The following ACRBP variants were observed in gnomAD, a reference collection of about 807,000 sequenced individuals.
The protein encoded by ACRBP is acrosin binding protein.
In ACRBP, 52 loss-of-function variants were observed where a neutral mutation model predicts 69.0. The observed-to-expected ratio is 0.75, with a 90% CI of 0.60 to 0.95. The LOEUF (loss-of-function observed/expected upper bound fraction) is 0.95, where lower values mean the gene tolerates loss of function less well. Among genes scored for constraint, ACRBP ranks in the 40% least tolerant of loss-of-function variants. The probability of loss-of-function intolerance (pLI) is 0.00; values close to 1 mark genes in which losing one functional copy is unlikely to be tolerated. For missense variants in ACRBP, 604 were observed against 673.0 expected (o/e 0.90, Z 1.13); for synonymous variants, 267 against 258.9 (o/e 1.03, Z -0.30).
rs374945741 is a variant in ACRBP, at chr12:6,646,554, A to T, written c.286T>A (p.Tyr96Asn). The T allele has an allele frequency of 9.3e-6, 15 of 1,614,008 alleles. No individual in the cohort carries two copies. Among genetic ancestry groups the T allele is most frequent in the Non-Finnish European group, 1.3e-5 (15 of 1,180,022 alleles). ...PDGAVCSNLP[Y>N]ASWFESFCQF... is the part of the protein sequence containing the mutation. ...CAGAAAGACTCAAACCAGGAGGCATAAGGGAGGTTGGAGCAGACAGCACCT... is the reference window on the plus strand; with the variant it reads ...CAGAAAGACTCAAACCAGGAGGCATTAGGGAGGTTGGAGCAGACAGCACCT... The change falls in exon 3 of 10, where the codon TAT becomes AAT. Residue 96 changes from tyrosine (Y) to asparagine (N), a missense_variant. By Grantham distance (143) the Tyr-to-Asn change is moderately radical (BLOSUM62 -2). Coordinates refer to ENST00000229243, the MANE Select transcript of ACRBP (RefSeq NM_032489.3).
rs1173221318 is a variant in ACRBP at position 6,643,579 on chromosome 12, C to T, written c.1037G>A (p.Trp346Ter). ...TCIITPTAKA[W>*]KYMEEEILGF... ...AAGGATCTCCTCCTCCATGTACTTCCAGGCCTTGGCTGTGGGGGTTATGAT... is the reference window on the plus strand; with the variant it reads ...AAGGATCTCCTCCTCCATGTACTTCTAGGCCTTGGCTGTGGGGGTTATGAT... Residue 346 changes from tryptophan (W) to a stop codon, truncating the protein, a stop_gained, in exon 6 of 10, where the codon TGG (tryptophan) becomes TAG (stop). Coordinates refer to ENST00000229243, the MANE Select transcript of ACRBP (RefSeq NM_032489.3). LOFTEE classifies it high-confidence loss of function. 6.2e-7 allele frequency: 1 copy of T among 1,614,120 alleles called. No individual in the cohort carries two copies. Among genetic ancestry groups the T allele is most frequent in the African/African-American group, 1.3e-5 (1 of 74,936 alleles).
Position 6,640,645 on chromosome 12 carries a change from C to G in ACRBP, c.1078-123G>C. 8.9e-7 allele frequency: 1 copy of G among 1,124,300 alleles called. No individual in the cohort carries two copies. The highest frequency in any genetic ancestry group is 1.2e-6 in the Non-Finnish European group (1 of 806,228). The allele number at this position is 1,124,300 out of a possible 1,614,324, so 69.6% of individuals were successfully genotyped here. A position where few individuals can be genotyped will look rare whatever the true frequency, so the allele number is the denominator to read the frequency against. Reference sequence around the variant, plus strand: ...CATTTAGCCTCTTCCAAAAGCTTCTCTGGGTTTTCTACTTGGCCTCCTCCC... The same window carrying G: ...CATTTAGCCTCTTCCAAAAGCTTCTGTGGGTTTTCTACTTGGCCTCCTCCC... On this transcript the variant is annotated intron_variant, in intron 6 of 9. Coordinates refer to ENST00000229243, the MANE Select transcript of ACRBP (RefSeq NM_032489.3). This position sits in a 1 kb window ranked among gnomAD's most constrained non-coding sequence, Gnocchi z 5.3.
Position 6,646,980 on chromosome 12 carries a change from G to A in ACRBP, c.76C>T (p.Gln26Ter). Residue 26 changes from glutamine (Q) to a stop codon, truncating the protein, a stop_gained, in exon 2 of 10, where the codon CAG (glutamine) becomes TAG (stop). Transcript: ENST00000229243. LOFTEE classifies it high-confidence loss of function. ...LLLPLAPAAA[Q>*]DSTQASTPGS... ...GGAGTGGAGGCCTGAGTCGAATCCT[G>A]GGCTGCGGCAGGTGCCAGAGGCAGG... is the stretch of plus-strand genomic sequence containing the variant. The A allele has an allele frequency of 6.2e-7, 1 of 1,612,184 alleles. No individual in the cohort carries two copies. Among genetic ancestry groups the A allele is most frequent in the Non-Finnish European group, 8.5e-7 (1 of 1,180,008 alleles).
intron 6 of ACRBP, among the ~76,000 whole-genome samples, chr12:6,641,015 C>T (rs1312587388): frequency 6.6e-6 from 1 of 152,240 alleles, no homozygotes; most frequent in African/African-American, 2.4e-5. Flanking sequence ...CCTATAACAG[C>T]AGAGATACTA....
rs1485587097 is a variant in ACRBP, at chr12:6,645,762, G to A, written c.358-425C>T. 8.6e-5 allele frequency among the ~76,000 whole-genome samples: 13 copies of A among 150,696 alleles called. No homozygotes were observed. In the Admixed American group the frequency reaches 8.6e-4, roughly 10 times the overall value. On this transcript the variant is annotated intron_variant, in intron 3 of 9. Coordinates refer to ENST00000229243, the MANE Select transcript of ACRBP (RefSeq NM_032489.3). The stretch of plus-strand genomic sequence containing the variant: ...TGCAAGCCCCACCTCCCGGGTTCAC[G>A]CCATTCTCCTGCCTCAGTCTCTCGA...
intron 3 of ACRBP, among the ~76,000 whole-genome samples, chr12:6,645,773 G>C (rs1264847391): frequency 1.3e-5 from 2 of 150,580 alleles, no homozygotes; most frequent in East Asian, 3.9e-4. Context: ...CCATTCTCCT[G>C]CCTCAGTCTC....
Position 6,638,404 on chromosome 12 carries a change from C to T in ACRBP, c.1510G>A (p.Val504Met), listed in dbSNP as rs1301078141. ...QCLMRNRNRK[V>M]SRMRCLQNET... ...TTCTGCAGACATCTCATGCGGGACA[C>T]CTACACAGAGATTCAGTGCAGACGG... The change falls in exon 10 of 10, where the codon GTG (valine) becomes ATG (methionine). Residue 504 changes from valine to methionine, a missense_variant and splice_region_variant. Coordinates refer to ENST00000229243, the MANE Select transcript of ACRBP (RefSeq NM_032489.3). 6.2e-7 allele frequency: 1 copy of T among 1,613,958 alleles called. No homozygotes were observed. The highest frequency in any genetic ancestry group is 2.2e-5 in the East Asian group (1 of 44,878).
chr12:6,638,752 C>T (rs1300573638), intron 9 of ACRBP: 2 of 1,436,584 alleles, frequency 1.4e-6, no homozygotes, highest in African/African-American at 1.4e-5. Context: ...CTGTTATCCA[C>T]CAGCTGCCTA....
chr12:6,645,175 T>C, intron 4 of ACRBP, 45 bp downstream of exon 4: 1 of 1,443,510 alleles, frequency 6.9e-7, no homozygotes, highest in East Asian at 2.3e-5. Context: ...GCTCTGGGAG[T>C]TGTGGGAGTA....
intron 3 of ACRBP, 67 bp downstream of exon 3, chr12:6,646,416 C>G: frequency 9.0e-6 from 13 of 1,446,064 alleles, no homozygotes; most frequent in Non-Finnish European, 1.2e-5. Context: ...CCTTCCTCAA[C>G]TCCCCACTGC....
chr12:6,647,202 C>T (rs1949097066), intron 1 of ACRBP, 122 bp downstream of exon 1: 1 of 1,266,472 alleles, frequency 7.9e-7, no homozygotes, highest in African/African-American at 1.5e-5. Context: ...ATCCCAGGAC[C>T]TAGGGAGCCG....
At chr12:6,638,574 T>C in intron 9 of ACRBP, 170 bp from the exon 10 acceptor site, 1 of 1,222,584 alleles carries the variant, frequency 8.2e-7, no homozygotes, top group Non-Finnish European at 1.1e-6. Flanking sequence ...AGAGGAGACA[T>C]CAAGCAGCCC....
In ACRBP at chr12:6,640,362, C is replaced by A; in HGVS notation, c.1238G>T (p.Ser413Ile). The A allele has an allele frequency of 6.2e-7, 1 of 1,614,152 alleles. No homozygotes were observed. ...AGATACCTGGTTGCCGATGGACAGG[C>A]TCTGGGAGGCAAGCAAGGGGCTGAC... ...PFVSPLLASQ[S>I]LSIGNQVGSP... Residue 413 changes from serine (S) to isoleucine (I), a missense_variant, in exon 7 of 10, where the codon AGC becomes ATC. Physicochemically the swap from Ser to Ile is moderately radical, Grantham distance 142. Around this residue, in one of 3 missense-constraint regions of ACRBP, gnomAD observed 532 missense variants for 562.9 expected, o/e 0.95. Coordinates refer to ENST00000229243, the MANE Select transcript of ACRBP (RefSeq NM_032489.3). This position sits in a 1 kb window ranked among gnomAD's most constrained non-coding sequence, Gnocchi z 5.3.
intron 4 of ACRBP, 48 bp from the exon 5 acceptor site, chr12:6,644,653 C>T (rs776526195): frequency 1.6e-5 from 25 of 1,548,684 alleles, no homozygotes; most frequent in Non-Finnish European, 2.1e-5. Flanking sequence ...AGGCTTCTAG[C>T]CCCTGAGTGT....
intron 1 of ACRBP, 130 bp from the exon 2 acceptor site, chr12:6,647,142 G>C (rs951868046): frequency 4.5e-6 from 5 of 1,104,480 alleles, no homozygotes; most frequent in South Asian, 1.4e-5. Context: ...GGCGGGGGGA[G>C]TCTAGAGACA....
chr12:6,641,826 T>A (rs1949055198), intron 6 of ACRBP, among the ~76,000 whole-genome samples: 2 of 152,116 alleles, frequency 1.3e-5, no homozygotes, highest in African/African-American at 4.8e-5. Flanking sequence ...CTGAGATGGA[T>A]TCCATGAGCC....
Position 6,646,125 on chromosome 12 carries a change from A to ATTTT in ACRBP, c.357+354_357+357dup, listed in dbSNP as rs59626834. On this transcript the variant is annotated intron_variant, in intron 3 of 9. Transcript: ENST00000229243. Reference sequence around the variant, plus strand: ...CAGGCGCCCATCACCAAGCCCGGCTATTTTTTTTTTTTTTTTTTGTATTTT... The same window carrying ATTTT: ...CAGGCGCCCATCACCAAGCCCGGCTATTTTTTTTTTTTTTTTTTTTTTGTATTTT... 3.7e-3 allele frequency among the ~76,000 whole-genome samples: 449 copies of ATTTT among 121,410 alleles called. 5 individuals carry two copies. The highest frequency in any genetic ancestry group is 0.013 in the African/African-American group (427 of 31,800). 79.6% of individuals were successfully genotyped at this position (121,410 alleles called of 152,430 possible). A position where few individuals can be genotyped will look rare whatever the true frequency, so the allele number is the denominator to read the frequency against.
At chr12:6,644,054 T>C in intron 5 of ACRBP, 83 bp downstream of exon 5, 2 of 1,517,204 alleles carry the variant, frequency 1.3e-6, no homozygotes, top group Non-Finnish European at 1.8e-6. Context: ...ATCTGGAGGC[T>C]GAAGCTAGGA....
intron 1 of ACRBP, 79 bp from the exon 2 acceptor site, chr12:6,647,091 G>T: frequency 7.5e-7 from 1 of 1,326,342 alleles, no homozygotes; most frequent in Non-Finnish European, 1.1e-6. Flanking sequence ...GACCCAGACT[G>T]GCAAATTAGG....
Sources: gnomAD v4.1 joint callset for allele counts (sites outside exome capture counted in the v4.1 genomes callset) on GRCh38, gnomAD v4.1.1 for gene constraint, gnomAD v4.1.1 regional missense constraint, Gnocchi (gnomAD v3.1) non-coding constraint, MANE v1.5 for transcripts, NCBI Gene and HGNC (gene_info 2026-07-23, HGNC 2026-07-21) for gene names.